The following RNGTT variants were observed in gnomAD, a reference collection of about 807,000 sequenced individuals.
RNGTT encodes the protein RNA guanylyltransferase and 5'-phosphatase, also known as mRNA-capping enzyme.
RNGTT carries 33 observed loss-of-function variants against 79.3 expected under a neutral mutation model. The ratio of observed to expected loss-of-function variants is 0.42; its 90% CI spans 0.32 to 0.56. The LOEUF is 0.56. Among genes scored for constraint, RNGTT ranks in the 20% least tolerant of loss-of-function variants. The pLI is 0.17. For synonymous variants in RNGTT, 222 were observed against 235.9 expected (o/e 0.94, Z 0.54); for missense variants, 497 against 739.1 (o/e 0.67, Z 3.80).
intron 13 of RNGTT, among the ~76,000 whole-genome samples, chr6:88,711,742 G>A (rs984944091): frequency 3.3e-5 from 5 of 152,122 alleles, no homozygotes; most frequent in South Asian, 2.1e-4. Context: ...ATACCTACAC[G>A]GATAAACTAT....
intron 1 of RNGTT, among the ~76,000 whole-genome samples, chr6:88,945,280 C>A (rs936629909): frequency 2.0e-5 from 3 of 152,212 alleles, no homozygotes; most frequent in Non-Finnish European, 4.4e-5. Context: ...AGACTTGCAA[C>A]CAAGTAGCTC....
At chr6:88,911,941 A>G (rs1268653712) in intron 4 of RNGTT, among the ~76,000 whole-genome samples, 2 of 151,792 alleles carry the variant, frequency 1.3e-5, no homozygotes. Context: ...TTCAAAAAAT[A>G]AAATAAATAA....
intron 14 of RNGTT, among the ~76,000 whole-genome samples, chr6:88,631,144 T>C (rs1374113453): frequency 6.6e-6 from 1 of 152,194 alleles, no homozygotes; most frequent in Non-Finnish European, 1.5e-5. Context: ...GTCTTTCTGA[T>C]GGCCACACAG....
chr6:88,879,161 C>T (rs775307711), intron 8 of RNGTT, among the ~76,000 whole-genome samples: 2 of 152,160 alleles, frequency 1.3e-5, no homozygotes, highest in Non-Finnish European at 2.9e-5. Context: ...CTTTGAGAGG[C>T]TGAGGCGAGC....
rs546780571 is a variant in RNGTT, at chr6:88,850,499, C to T, written c.1033-673G>A. Among the ~76,000 whole-genome samples the T allele has an allele frequency of 1.3e-4, 19 of 151,884 alleles. No homozygotes were observed. In the South Asian group the frequency reaches 3.9e-3, roughly 32 times the overall value. ...TTTTAATTATTAATATGTTTTTGAC[C>T]TAAAATTATTTTTCTTTCCTCATAT... On this transcript the variant is annotated intron_variant, in intron 9 of 15. Coordinates refer to ENST00000369485, the MANE Select transcript of RNGTT (RefSeq NM_003800.5).
chr6:88,940,942 A>G (rs1194112110), intron 2 of RNGTT, 129 bp downstream of exon 2: 3 of 550,372 alleles, frequency 5.5e-6, no homozygotes, highest in South Asian at 2.9e-5. Context: ...AATTCTATGT[A>G]CAATTACTGC....
At chr6:88,828,239 C>A (rs1780735844) in intron 11 of RNGTT, among the ~76,000 whole-genome samples, 1 of 152,076 alleles carries the variant, frequency 6.6e-6, no homozygotes, top group Non-Finnish European at 1.5e-5. Flanking sequence ...CTGGTGATAC[C>A]CAGGCAAACA....
Position 88,890,469 on chromosome 6 carries a change from G to C in RNGTT, c.896+26C>G, listed in dbSNP as rs1457671981. ...TTCTTCAAGCATTAGGGTTATTTGT[G>C]TAATTTTTTTAGAAGTCTAACTTAC... On this transcript the variant is annotated intron_variant, in intron 8 of 15. Transcript: ENST00000369485. 6 of 1,421,482 alleles carry C rather than the reference G, an allele frequency of 4.2e-6. No homozygotes were observed. In the African/African-American group the frequency reaches 8.5e-5, roughly 20 times the overall value. 88.1% of individuals were successfully genotyped at this position (1,421,482 alleles called of 1,614,324 possible).
intron 14 of RNGTT, among the ~76,000 whole-genome samples, chr6:88,659,203 A>C (rs1273371225): frequency 2.6e-5 from 4 of 152,166 alleles, no homozygotes; most frequent in Non-Finnish European, 5.9e-5. Context: ...ATGAGAAGGA[A>C]CCAAAAAAGT....
At chr6:88,824,743 G>C (rs994795249) in intron 11 of RNGTT, among the ~76,000 whole-genome samples, 1 of 142,708 alleles carries the variant, frequency 7.0e-6, no homozygotes, top group Non-Finnish European at 1.5e-5. Flanking sequence ...AAACACGTTT[G>C]TTTTCTTTTT....
In RNGTT at chr6:88,761,018, TACACACAC is replaced by T. The variant is rs59719740; in HGVS notation, c.1439+8748_1439+8755del. On this transcript the variant is annotated intron_variant, in intron 13 of 15. Coordinates refer to ENST00000369485, the MANE Select transcript of RNGTT (RefSeq NM_003800.5). ...TTTTAATGAATTGAAGCAAAAGAAA[TACACACAC>T]ACACACACACACACACACACACACA... Among the ~76,000 whole-genome samples, 182 of 131,238 alleles carry T rather than the reference TACACACAC, an allele frequency of 1.4e-3. 1 individual carries two copies. The highest frequency in any genetic ancestry group is 4.8e-3 in the African/African-American group (168 of 34,908). 86.1% of individuals were successfully genotyped at this position (131,238 alleles called of 152,430 possible). A position where few individuals can be genotyped will look rare whatever the true frequency, so the allele number is the denominator to read the frequency against.
At chr6:88,796,959 C>T (rs1021010838) in intron 12 of RNGTT, among the ~76,000 whole-genome samples, 4 of 152,084 alleles carry the variant, frequency 2.6e-5, no homozygotes, top group African/African-American at 9.7e-5. Flanking sequence ...TCCTGAGCTA[C>T]GGTTTATTGC....
intron 13 of RNGTT, among the ~76,000 whole-genome samples, chr6:88,759,931 G>T (rs990229475): frequency 3.3e-5 from 5 of 151,944 alleles, no homozygotes; most frequent in Non-Finnish European, 5.9e-5. Flanking sequence ...TATCCACCAG[G>T]TAACAAGCTT....
chr6:88,836,015 C>T lies in RNGTT; in HGVS notation c.1269+8342G>A, dbSNP rs866154235. Among the ~76,000 whole-genome samples, 37 of 121,858 alleles carry T rather than the reference C, an allele frequency of 3.0e-4. 1 individual carries two copies. The highest frequency in any genetic ancestry group is 8.5e-3 in the Middle Eastern group (2 of 236). 79.9% of individuals were successfully genotyped at this position (121,858 alleles called of 152,430 possible). A position where few individuals can be genotyped will look rare whatever the true frequency, so the allele number is the denominator to read the frequency against. On this transcript the variant is annotated intron_variant, in intron 11 of 15. Coordinates refer to ENST00000369485, the MANE Select transcript of RNGTT (RefSeq NM_003800.5). ...ACACACACACACACACACACACACACACACACACATATATATATAAGATTT... is the reference window on the plus strand; with the variant it reads ...ACACACACACACACACACACACACATACACACACATATATATATAAGATTT...
At chr6:88,836,230 T>TTA (rs889546133) in intron 11 of RNGTT, among the ~76,000 whole-genome samples, 37 of 149,532 alleles carry the variant, frequency 2.5e-4, no homozygotes, top group African/African-American at 5.1e-4. Flanking sequence ...TGAATGAGAT[T>TTA]TATATATATA....
chr6:88,879,122 C>A (rs1782610573), intron 8 of RNGTT, among the ~76,000 whole-genome samples: 2 of 152,148 alleles, frequency 1.3e-5, no homozygotes, highest in African/African-American at 4.8e-5. Context: ...AGAGACCAGG[C>A]GCGGTGGCTC....
At chr6:88,814,340 C>T (rs1202792464) in intron 11 of RNGTT, among the ~76,000 whole-genome samples, 1 of 152,138 alleles carries the variant, frequency 6.6e-6, no homozygotes, top group East Asian at 1.9e-4. Flanking sequence ...ACTCACTATG[C>T]TACTCACTGA....
At chr6:88,621,193 C>T (rs1258592992) in intron 14 of RNGTT, among the ~76,000 whole-genome samples, 1 of 152,126 alleles carries the variant, frequency 6.6e-6, no homozygotes, top group Non-Finnish European at 1.5e-5. Context: ...AGATTTATGT[C>T]TAGCACTTAG....
chr6:88,705,369 T>C (rs1464492074), intron 13 of RNGTT, among the ~76,000 whole-genome samples: 1 of 151,700 alleles, frequency 6.6e-6, no homozygotes. Flanking sequence ...GTAATACAGA[T>C]TTTTTAGTGA....
Sources: allele counts gnomAD v4.1 joint callset (sites outside exome capture counted in the v4.1 genomes callset), GRCh38; gene constraint gnomAD v4.1.1; transcripts MANE v1.5; gene names NCBI Gene and HGNC (gene_info 2026-07-23, HGNC 2026-07-21).